The following MUC17 variants were observed in gnomAD, a reference collection of about 807,000 sequenced individuals.
MUC17 encodes mucin-17.
A neutral mutation model predicts 170.3 loss-of-function variants in MUC17; 190 were observed. That is an observed-to-expected ratio of 1.12 (90% confidence interval 0.99 to 1.26). MUC17 has a LOEUF of 1.26. MUC17 is among the 50% of genes most tolerant of loss of function. MUC17 has a pLI of 0.00. For missense variants in MUC17, 6,415 were observed against 5,530.0 expected, an observed-to-expected ratio of 1.16 and a Z score of -5.08; for synonymous variants, 2,325 against 2,002.5, an observed-to-expected ratio of 1.16 and a Z score of -4.30.
At position 101,040,612 on chromosome 7, in the gene MUC17, C is replaced by T. The variant is rs143440714; in HGVS notation, c.9196C>T (p.Leu3066Phe). The T allele has an allele frequency of 1.3e-4, 207 of 1,612,284 alleles. No individual in the cohort carries two copies. The African/African-American group carries it at 2.4e-3, about 19-fold the overall frequency. Reference sequence around the variant, plus strand: ...AGTGGCCATTCCTGAGGCTAGCACCCTTTCAACAACTCCTGTTGACTCCAA... The same window carrying T: ...AGTGGCCATTCCTGAGGCTAGCACCTTTTCAACAACTCCTGTTGACTCCAA... ...TPVAIPEAST[L>F]STTPVDSNSP... The change falls in exon 3 of 13, where the codon CTT becomes TTT. Residue 3066 changes from leucine (L) to phenylalanine (F), a missense_variant. Leu to Phe is a conservative substitution (Grantham distance 22). Transcript: ENST00000306151.
chr7:101,029,578 C>A (rs932003974), intron 1 of MUC17, among the ~76,000 whole-genome samples: 1 of 151,590 alleles, frequency 6.6e-6, no homozygotes, highest in Non-Finnish European at 1.5e-5. Context: ...TTTTGCATTC[C>A]GTTTTTTAAT....
chr7:101,035,524 A>G lies in MUC17; in HGVS notation c.4108A>G (p.Thr1370Ala). Reference sequence around the variant, plus strand: ...TGTTGACAACAGCACACCTGTGACCACTTCTACTGAAGCCTGTTCATCTCC... The same window carrying G: ...TGTTGACAACAGCACACCTGTGACCGCTTCTACTGAAGCCTGTTCATCTCC... The part of the protein sequence containing the change: ...TPVDNSTPVT[T>A]STEACSSPTT... Residue 1370 changes from threonine to alanine, a missense_variant, in exon 3 of 13, where the codon ACT becomes GCT. Transcript: ENST00000306151. 1 of 1,596,494 alleles carries G rather than the reference A, an allele frequency of 6.3e-7. No individual in the cohort carries two copies. The highest frequency in any genetic ancestry group is 8.6e-7 in the Non-Finnish European group (1 of 1,169,250).
In MUC17 at chr7:101,034,073, C is replaced by T. The variant is rs1794378874; in HGVS notation, c.2657C>T (p.Ser886Leu). The stretch of plus-strand genomic sequence containing the variant: ...GCCACTTCTGCAATCAGCACCCTTT[C>T]AACAACTCCTGTTGACACCAGCACA... ...LVATSAISTL[S>L]TTPVDTSTPV... Residue 886 changes from serine (S) to leucine (L), a missense_variant, in exon 3 of 13, where the codon TCA (serine) becomes TTA (leucine). Ser to Leu is a moderately radical substitution (Grantham distance 145, BLOSUM62 -2). Transcript: ENST00000306151. 8 of 1,607,460 alleles carry T rather than the reference C, an allele frequency of 5.0e-6. No homozygotes were observed. The South Asian group carries it at 5.6e-5, about 11-fold the overall frequency.
chr7:101,021,319 G>A (rs1336004480), intron 1 of MUC17, among the ~76,000 whole-genome samples: 1 of 151,692 alleles, frequency 6.6e-6, no homozygotes, highest in African/African-American at 2.4e-5. Context: ...TTGAGTAGCT[G>A]GGATTACAGC....
At chr7:101,055,102 C>T (rs1795023605) in intron 11 of MUC17, among the ~76,000 whole-genome samples, 1 of 150,384 alleles carries the variant, frequency 6.6e-6, no homozygotes, top group Non-Finnish European at 1.5e-5. Flanking sequence ...AGCAAGATTC[C>T]GTAGAAGGAG....
rs1471116083 is a variant in MUC17 at position 101,049,373 on chromosome 7, C to A, written c.12713C>A (p.Thr4238Lys). The A allele has an allele frequency of 1.2e-6, 2 of 1,612,474 alleles. No individual in the cohort carries two copies. Among genetic ancestry groups the A allele is most frequent in the Non-Finnish European group, 1.7e-6 (2 of 1,179,276 alleles). ...CCTGAGTATGTCGGGGTGAACATCA[C>A]AAAGCTACGGTAAGTGTCTGGGCCC... ...GIPEYVGVNITKLRLGSVVVE... is the reference protein window; with the variant it reads ...GIPEYVGVNIKKLRLGSVVVE... The change falls in exon 6 of 13, where the codon ACA becomes AAA. Residue 4238 changes from threonine (T) to lysine (K), a missense_variant. Physicochemically the swap from Thr to Lys is moderately conservative, Grantham distance 78. Transcript: ENST00000306151.
rs142772357 is a variant in MUC17 at position 101,048,870 on chromosome 7, A to C, written c.12561A>C (p.Gln4187His). The C allele has an allele frequency of 3.1e-4, 496 of 1,614,112 alleles. 4 individuals carry two copies. The African/African-American group carries it at 4.9e-3, about 16-fold the overall frequency. The change falls in exon 5 of 13, where the codon CAA becomes CAC. Residue 4187 changes from glutamine (Q) to histidine (H), a missense_variant. Physicochemically the swap from Gln to His is conservative, Grantham distance 24 (BLOSUM62 0). Coordinates refer to ENST00000306151, the MANE Select transcript of MUC17 (RefSeq NM_001040105.2). ...DIGPPETISA[Q>H]MELTVTVTSV... Reference sequence around the variant, plus strand: ...GGCCACCGGAGACTATCTCTGCCCAAATGGAACTGACTGTGACAGTGACCA... The same window carrying C: ...GGCCACCGGAGACTATCTCTGCCCACATGGAACTGACTGTGACAGTGACCA...
chr7:101,048,993 C>A (rs1794889422), intron 5 of MUC17, 21 bp downstream of exon 5: 2 of 1,613,892 alleles, frequency 1.2e-6, no homozygotes, highest in Admixed American at 1.7e-5. Flanking sequence ...GAGAGCAAGG[C>A]CCCATAGCTA....
chr7:101,040,091 C>T lies in MUC17; in HGVS notation c.8675C>T (p.Thr2892Ile). The change falls in exon 3 of 13, where the codon ACT (threonine) becomes ATT (isoleucine). Residue 2892 changes from threonine to isoleucine, a missense_variant. By Grantham distance (89) the Thr-to-Ile change is moderately conservative. Coordinates refer to ENST00000306151, the MANE Select transcript of MUC17 (RefSeq NM_001040105.2). Reference protein sequence around the residue: ...ASSEASTLSTTPVDTSIPVTT... With the variant: ...ASSEASTLSTIPVDTSIPVTT... The stretch of plus-strand genomic sequence containing the variant: ...TCTGAGGCTAGCACCCTTTCAACAA[C>T]TCCTGTTGATACCAGCATACCTGTC... 6.2e-6 allele frequency: 10 copies of T among 1,613,076 alleles called. 1 individual carries two copies. Among genetic ancestry groups the T allele is most frequent in the Non-Finnish European group, 8.5e-6 (10 of 1,179,566 alleles).
At chr7:101,031,269 G>T in intron 2 of MUC17, 48 bp downstream of exon 2, 1 of 1,585,878 alleles carries the variant, frequency 6.3e-7, no homozygotes, top group Non-Finnish European at 8.6e-7. Flanking sequence ...GCTCACCTGC[G>T]AAAGGGCTAG....
At position 101,043,209 on chromosome 7, in the gene MUC17, A is replaced by G. The variant is rs1203170514; in HGVS notation, c.11793A>G (p.Glu3931=). Residue 3931 remains glutamate, a synonymous_variant, in exon 3 of 13, where the codon GAA becomes GAG. Transcript: ENST00000306151. ...ATTISVSVIT[E]GSTPGTTIFI... Reference sequence around the variant, plus strand: ...CCATATCTGTATCAGTGATCACAGAAGGAAGCACACCTGGGACAACCATTT... The same window carrying G: ...CCATATCTGTATCAGTGATCACAGAGGGAAGCACACCTGGGACAACCATTT... 1.9e-6 allele frequency: 3 copies of G among 1,614,056 alleles called. No individual in the cohort carries two copies. Among genetic ancestry groups the G allele is most frequent in the Non-Finnish European group, 2.5e-6 (3 of 1,180,048 alleles).
Position 101,043,289 on chromosome 7 carries a change from C to A in MUC17, c.11873C>A (p.Thr3958Asn). 1 of 1,614,192 alleles carries A rather than the reference C, an allele frequency of 6.2e-7. No individual in the cohort carries two copies. Among genetic ancestry groups the A allele is most frequent in the Non-Finnish European group, 8.5e-7 (1 of 1,180,046 alleles). ...SSTADVFPAT[T>N]GAVSTPVITS... ...ACTGCTGATGTCTTTCCTGCAACAA[C>A]TGGTGCTGTATCTACCCCTGTGATA... The change falls in exon 3 of 13, where the codon ACT becomes AAT. Residue 3958 changes from threonine to asparagine, a missense_variant. Transcript: ENST00000306151.
rs1171860873 is a variant in MUC17 at position 101,041,230 on chromosome 7, C to A, written c.9814C>A (p.Pro3272Thr). The stretch of plus-strand genomic sequence containing the variant: ...TCCCACTGCTGAAGGTACCAGCATG[C>A]CAACCTCAACTCCTAGTGAAGGAAG... ...SPPTAEGTSM[P>T]TSTPSEGSTP... Residue 3272 changes from proline (P) to threonine (T), a missense_variant, in exon 3 of 13, where the codon CCA becomes ACA. Physicochemically the swap from Pro to Thr is conservative, Grantham distance 38. Coordinates refer to ENST00000306151, the MANE Select transcript of MUC17 (RefSeq NM_001040105.2). The A allele has an allele frequency of 5.0e-6, 8 of 1,613,204 alleles. No individual in the cohort carries two copies. The highest frequency in any genetic ancestry group is 6.8e-6 in the Non-Finnish European group (8 of 1,179,600).
chr7:101,051,751 T>TC (rs1794948255), intron 8 of MUC17, 52 bp from the exon 9 acceptor site: 3 of 1,603,732 alleles, frequency 1.9e-6, no homozygotes, highest in Non-Finnish European at 1.7e-6. Flanking sequence ...TGGGACAGTG[T>TC]CCCCCCAGCC....
At position 101,043,166 on chromosome 7, in the gene MUC17, C is replaced by A. The variant is rs1414842966; in HGVS notation, c.11750C>A (p.Thr3917Lys). ...TPSTDTASTP[T>K]IPVATTISVS... The stretch of plus-strand genomic sequence containing the variant: ...TCTACTGACACTGCCTCAACTCCCA[C>A]AATTCCTGTAGCCACCACCATATCT... The change falls in exon 3 of 13, where the codon ACA becomes AAA. Residue 3917 changes from threonine (T) to lysine (K), a missense_variant. Transcript: ENST00000306151. The A allele has an allele frequency of 6.2e-7, 1 of 1,614,084 alleles. No homozygotes were observed. Among genetic ancestry groups the A allele is most frequent in the Non-Finnish European group, 8.5e-7 (1 of 1,180,046 alleles).
In MUC17 at chr7:101,039,157, G is replaced by T; in HGVS notation, c.7741G>T (p.Val2581Phe). ...AAGCACTCCATTAAGAAGTATGCCTGTCAGCACCAAGCCGTTGGCCAGTTC... is the reference window on the plus strand; with the variant it reads ...AAGCACTCCATTAAGAAGTATGCCTTTCAGCACCAAGCCGTTGGCCAGTTC... Reference protein sequence around the residue: ...EGSTPLRSMPVSTKPLASSEA... With the variant: ...EGSTPLRSMPFSTKPLASSEA... Residue 2581 changes from valine (V) to phenylalanine (F), a missense_variant, in exon 3 of 13, where the codon GTC becomes TTC. Coordinates refer to ENST00000306151, the MANE Select transcript of MUC17 (RefSeq NM_001040105.2). 1 of 1,613,936 alleles carries T rather than the reference G, an allele frequency of 6.2e-7. No individual in the cohort carries two copies. Among genetic ancestry groups the T allele is most frequent in the Non-Finnish European group, 8.5e-7 (1 of 1,179,974 alleles).
intron 1 of MUC17, among the ~76,000 whole-genome samples, chr7:101,030,279 GT>G (rs1196229001): frequency 3.4e-5 from 5 of 147,452 alleles, no homozygotes; most frequent in African/African-American, 1.3e-4. Context: ...CTGGAGTACA[GT>G]GGTGTGATCT....
intron 1 of MUC17, among the ~76,000 whole-genome samples, chr7:101,021,053 C>T (rs1181009322): frequency 2.0e-5 from 3 of 152,180 alleles, no homozygotes; most frequent in Admixed American, 6.6e-5. Flanking sequence ...CCAGCCCATT[C>T]GTTGTAATGA....
At position 101,039,112 on chromosome 7, in the gene MUC17, A is replaced by G; in HGVS notation, c.7696A>G (p.Thr2566Ala). The G allele has an allele frequency of 6.2e-7, 1 of 1,613,332 alleles. No individual in the cohort carries two copies. Among genetic ancestry groups the G allele is most frequent in the Admixed American group, 1.7e-5 (1 of 59,938 alleles). Residue 2566 changes from threonine (T) to alanine (A), a missense_variant, in exon 3 of 13, where the codon ACC (threonine) becomes GCC (alanine). Coordinates refer to ENST00000306151, the MANE Select transcript of MUC17 (RefSeq NM_001040105.2). ...ATCCGCTGAAGGTACCAGCATGCCT[A>G]CCTCAACTTATAGTGAAGGAAGCAC... ...ATSAEGTSMP[T>A]STYSEGSTPL... is the part of the protein sequence containing the mutation.
Sources: allele counts gnomAD v4.1 joint callset (sites outside exome capture counted in the v4.1 genomes callset), GRCh38; gene constraint gnomAD v4.1.1; transcripts MANE v1.5; gene names NCBI Gene and HGNC (gene_info 2026-07-23, HGNC 2026-07-21).